Variants in TIPIN observed in about 807,000 individuals in gnomAD.
TIPIN encodes the protein TIMELESS interacting protein, also known as TIMELESS-interacting protein.
Under a neutral mutation model 35.6 loss-of-function variants are expected in TIPIN, and 29 were observed. That is an observed-to-expected ratio of 0.82 (90% confidence interval 0.61 to 1.11). The LOEUF (loss-of-function observed/expected upper bound fraction) is 1.11, where lower values mean the gene tolerates loss of function less well. Among genes scored for constraint, TIPIN ranks in the 50% most tolerant of loss-of-function variants. The pLI is 0.00. For synonymous variants in TIPIN, 102 were observed against 121.5 expected (o/e 0.84, Z 1.06); for missense variants, 296 against 345.4 (o/e 0.86, Z 1.13).
At chr15:66,375,657 G>A (rs1175726942) in intron 1 of TIPIN, among the ~76,000 whole-genome samples, 9 of 150,458 alleles carry the variant, frequency 6.0e-5, no homozygotes, top group Non-Finnish European at 1.0e-4. Context: ...TGGCCAAAAT[G>A]GTGAAACCCC....
At chr15:66,339,265 C>T (rs2093068932) in intron 7 of TIPIN, among the ~76,000 whole-genome samples, 1 of 147,470 alleles carries the variant, frequency 6.8e-6, no homozygotes, top group South Asian at 2.1e-4. Flanking sequence ...AACATGGTAT[C>T]TAGTTATTAT....
chr15:66,364,762 T>C (rs2093246635), intron 1 of TIPIN, among the ~76,000 whole-genome samples: 1 of 149,634 alleles, frequency 6.7e-6, no homozygotes, highest in African/African-American at 2.5e-5. Context: ...AGGCCAGGAG[T>C]TCGAGACTAG....
intron 7 of TIPIN, among the ~76,000 whole-genome samples, chr15:66,338,113 G>A (rs755230567): frequency 4.0e-5 from 6 of 151,850 alleles, no homozygotes; most frequent in Non-Finnish European, 5.9e-5. Flanking sequence ...AAAATTAGCC[G>A]GACATGGTGG....
At chr15:66,376,032 C>G (rs1450541777) in intron 1 of TIPIN, among the ~76,000 whole-genome samples, 1 of 152,074 alleles carries the variant, frequency 6.6e-6, no homozygotes, top group Non-Finnish European at 1.5e-5. Flanking sequence ...CCCAGGAGTT[C>G]AAGGTTAAAG....
At chr15:66,342,946 T>C (rs62627318) in intron 6 of TIPIN, among the ~76,000 whole-genome samples, 37 of 152,334 alleles carry the variant, frequency 2.4e-4, no homozygotes, top group African/African-American at 7.2e-4. Context: ...TACTAACATA[T>C]TTAAAATAAG....
At chr15:66,338,170 C>T (rs370363894) in intron 7 of TIPIN, among the ~76,000 whole-genome samples, 5 of 150,948 alleles carry the variant, frequency 3.3e-5, no homozygotes, top group Admixed American at 2.6e-4. Flanking sequence ...ACAGGAGAAT[C>T]GCTTGAACCT....
chr15:66,367,244 C>CTATATCTGTATCTATATCTA (rs1555410047), intron 1 of TIPIN, among the ~76,000 whole-genome samples: 1 of 146,454 alleles, frequency 6.8e-6, no homozygotes, highest in Non-Finnish European at 1.5e-5. Context: ...ATATCTATAT[C>CTATATCTGTATCTATATCTA]TATCTATATA....
chr15:66,386,157 C>T (rs1431334354), intron 1 of TIPIN, among the ~76,000 whole-genome samples: 1 of 152,120 alleles, frequency 6.6e-6, no homozygotes, highest in South Asian at 2.1e-4. Flanking sequence ...CCGGGCATGA[C>T]GGCGAGTGCC....
At chr15:66,383,976 A>C (rs1215987798) in intron 1 of TIPIN, among the ~76,000 whole-genome samples, 2 of 152,054 alleles carry the variant, frequency 1.3e-5, no homozygotes, top group East Asian at 3.8e-4. Context: ...ATACACAATA[A>C]AATTTATTTT....
chr15:66,344,425 A>G (rs1307097579), intron 6 of TIPIN, among the ~76,000 whole-genome samples: 3 of 150,094 alleles, frequency 2.0e-5, no homozygotes, highest in Admixed American at 6.6e-5. Context: ...CTATTACAAA[A>G]AAAAGTAAAA....
intron 1 of TIPIN, chr15:66,383,589 A>C (rs2093325677): frequency 1.0e-6 from 1 of 984,900 alleles, no homozygotes; most frequent in East Asian, 1.1e-4. Flanking sequence ...TTTAATGTTT[A>C]TTATTTTACT....
intron 6 of TIPIN, chr15:66,347,271 G>T (rs2093132979): frequency 5.8e-6 from 3 of 518,334 alleles, no homozygotes; most frequent in Non-Finnish European, 1.2e-5. Context: ...GGAACCATCT[G>T]TTTTAATGTG....
intron 1 of TIPIN, among the ~76,000 whole-genome samples, chr15:66,364,158 C>CTT (rs747825457): frequency 7.8e-3 from 578 of 73,770 alleles, no homozygotes; most frequent in Middle Eastern, 0.012. Context: ...TCTTTCTTTT[C>CTT]TTTTTTTTTT....
chr15:66,379,048 C>T (rs147059208), intron 1 of TIPIN, among the ~76,000 whole-genome samples: 5 of 152,144 alleles, frequency 3.3e-5, no homozygotes, highest in African/African-American at 1.2e-4. Flanking sequence ...CATGAGCCGC[C>T]GTGCACAAAG....
intron 1 of TIPIN, among the ~76,000 whole-genome samples, chr15:66,369,204 G>A (rs1312144690): frequency 1.3e-4 from 19 of 151,934 alleles, no homozygotes; most frequent in Non-Finnish European, 2.8e-4. Flanking sequence ...ACACAACAAT[G>A]TTATCATTAT....
Position 66,351,531 on chromosome 15 carries a change from A to T in TIPIN, c.282T>A (p.Gly94=). 6.2e-7 allele frequency: 1 copy of T among 1,612,476 alleles called. No individual in the cohort carries two copies. The highest frequency in any genetic ancestry group is 8.5e-7 in the Non-Finnish European group (1 of 1,179,024). ...CATAAAAATCAGTTCTTACCTCATGACCTTTACCTTTGAATTTTGCCTTAT... is the reference window on the plus strand; with the variant it reads ...CATAAAAATCAGTTCTTACCTCATGTCCTTTACCTTTGAATTTTGCCTTAT... ...VFDKAKFKGK[G]HEAEDLKMLI... Residue 94 remains glycine (G), a synonymous_variant, in exon 4 of 8, where the codon GGT becomes GGA. Coordinates refer to ENST00000261881, the MANE Select transcript of TIPIN (RefSeq NM_017858.3).
chr15:66,346,370 T>A (rs548761240), intron 6 of TIPIN, among the ~76,000 whole-genome samples: 7 of 152,020 alleles, frequency 4.6e-5, no homozygotes, highest in African/African-American at 1.7e-4. Context: ...TGACCTCTAC[T>A]GTTCATTCAA....
At chr15:66,381,615 T>A (rs566699406) in intron 1 of TIPIN, among the ~76,000 whole-genome samples, 41 of 152,274 alleles carry the variant, frequency 2.7e-4, no homozygotes, top group Non-Finnish European at 1.5e-5. Context: ...ATTTAGGTAA[T>A]TTCAGATTTT....
chr15:66,339,141 A>G (rs2093067036), intron 7 of TIPIN, among the ~76,000 whole-genome samples: 1 of 53,834 alleles, frequency 1.9e-5, no homozygotes, highest in South Asian at 7.7e-4. Flanking sequence ...CAAAAAAAAA[A>G]AAAAAAAAAA....
Sources: allele counts gnomAD v4.1 joint callset (sites outside exome capture counted in the v4.1 genomes callset), GRCh38; gene constraint gnomAD v4.1.1; transcripts MANE v1.5; gene names NCBI Gene and HGNC (gene_info 2026-07-23, HGNC 2026-07-21).